The following MED23 variants were observed in gnomAD, a reference collection of about 807,000 sequenced individuals.
The protein encoded by MED23 is mediator of RNA polymerase II transcription subunit 23.
In MED23, 105 loss-of-function variants were observed where a neutral mutation model predicts 163.9. The observed-to-expected ratio is 0.64, with a 90% CI of 0.55 to 0.75. The LOEUF (loss-of-function observed/expected upper bound fraction) is 0.75. MED23 is among the 30% of genes least tolerant of loss of function. The pLI, the probability that MED23 is intolerant of heterozygous loss-of-function variation, is 0.00. For synonymous variants in MED23, 561 were observed against 565.6 expected (o/e 0.99, Z 0.12); for missense variants, 1,054 against 1,649.0 (o/e 0.64, Z 6.25).
downstream of MED23, chr6:131,584,134 T>C: frequency 1.8e-6 from 1 of 549,198 alleles, no homozygotes; most frequent in Non-Finnish European, 3.2e-6. Context: ...AAAAGACTTA[T>C]CCTTAGAAAG....
intron 9 of MED23, 67 bp from the exon 10 acceptor site, chr6:131,616,069 T>A: frequency 7.5e-7 from 1 of 1,338,650 alleles, no homozygotes; most frequent in South Asian, 1.2e-5. Context: ...TTATTAGAAA[T>A]GAGATTAAAA....
Position 131,619,896 on chromosome 6 carries a change from A to G in MED23, c.598T>C (p.Leu200=). Residue 200 remains leucine (L), a splice_region_variant and synonymous_variant, in exon 8 of 29, where the codon TTA becomes CTA. Transcript: ENST00000368068. ...AAGTCTGATACTAGGTTTCCAAGTA[A>G]CTAAAGAGAGAAAGAAAGAGGGAAG... The part of the protein sequence containing the change: ...LYPEGKLPHW[L]LGNLVSDFVD... 1 of 1,605,894 alleles carries G rather than the reference A, an allele frequency of 6.2e-7. No homozygotes were observed. Among genetic ancestry groups the G allele is most frequent in the East Asian group, 2.2e-5 (1 of 44,800 alleles).
In MED23 at chr6:131,589,596, T is replaced by A; in HGVS notation, c.3808A>T (p.Ile1270Phe). 1 of 1,613,758 alleles carries A rather than the reference T, an allele frequency of 6.2e-7. No individual in the cohort carries two copies. The highest frequency in any genetic ancestry group is 1.3e-5 in the African/African-American group (1 of 74,990). ...QQERTRCMIE[I>F]GVAFYDMLLN... ...AGCATGTCATAAAACGCCACACCAA[T>A]CTATTTAACAAATAATGTAAAATTA... The change falls in exon 28 of 29, where the codon ATT (isoleucine) becomes TTT (phenylalanine). Residue 1270 changes from isoleucine to phenylalanine, a missense_variant and splice_region_variant. Physicochemically the swap from Ile to Phe is conservative, Grantham distance 21 (BLOSUM62 0). Around this residue, in one of 11 missense-constraint regions of MED23, gnomAD observed 362 missense variants for 471.6 expected, o/e 0.77. Coordinates refer to ENST00000368068, the MANE Select transcript of MED23 (RefSeq NM_004830.4).
chr6:131,576,672 G>A, intron 30 of MED23: 6 of 1,613,908 alleles, frequency 3.7e-6, no homozygotes, highest in South Asian at 1.1e-5. Flanking sequence ...GCCACGAGGA[G>A]GGGTGGAAGA....
chr6:131,601,309 G>A (rs570066096), intron 17 of MED23, among the ~76,000 whole-genome samples: 1 of 152,258 alleles, frequency 6.6e-6, no homozygotes, highest in South Asian at 2.1e-4. Context: ...ATTAACAAAT[G>A]TAATTTTCTG....
chr6:131,583,942 A>G, downstream of MED23: 1 of 1,604,844 alleles, frequency 6.2e-7, no homozygotes, highest in Non-Finnish European at 8.5e-7. Flanking sequence ...CTCATAGTTA[A>G]TGGCATAATT....
intron 10 of MED23, among the ~76,000 whole-genome samples, chr6:131,613,705 C>A (rs1776440913): frequency 6.6e-6 from 1 of 152,156 alleles, no homozygotes; most frequent in South Asian, 2.1e-4. Flanking sequence ...AATGTTTACA[C>A]TACAGTGGTA....
Position 131,587,256 on chromosome 6 carries a change from A to G in MED23, c.*423T>C, listed in dbSNP as rs1774238996. The stretch of plus-strand genomic sequence containing the variant: ...TGAAAATCTACCAAGAGATTTATGT[A>G]TAAAATATTTGTAATAACTGTTTTA... On this transcript the variant is annotated 3_prime_UTR_variant, in exon 29 of 29. Coordinates refer to ENST00000368068, the MANE Select transcript of MED23 (RefSeq NM_004830.4). 4 of 1,033,388 alleles carry G rather than the reference A, an allele frequency of 3.9e-6. No individual in the cohort carries two copies. The Admixed American group carries it at 1.4e-4, about 36-fold the overall frequency. 64.0% of individuals were successfully genotyped at this position (1,033,388 alleles called of 1,614,324 possible).
chr6:131,622,216 T>G (rs1777162711), intron 5 of MED23, among the ~76,000 whole-genome samples: 1 of 152,228 alleles, frequency 6.6e-6, no homozygotes. Context: ...TTTGTCAAGC[T>G]TTTTTGGCCC....
rs377025364 is a variant in MED23, at chr6:131,619,791, A to C, written c.667+36T>G. ...TTCAATAATTAGATTACTAAAAATCAGGTACTATTTGGCATATTTAAAATT... is the reference window on the plus strand; with the variant it reads ...TTCAATAATTAGATTACTAAAAATCCGGTACTATTTGGCATATTTAAAATT... On this transcript the variant is annotated intron_variant, in intron 8 of 28. Coordinates refer to ENST00000368068, the MANE Select transcript of MED23 (RefSeq NM_004830.4). 1.4e-5 allele frequency: 20 copies of C among 1,425,746 alleles called. No individual in the cohort carries two copies. In the African/African-American group the frequency reaches 2.1e-4, roughly 15 times the overall value. The allele number at this position is 1,425,746 out of a possible 1,614,324, so 88.3% of individuals were successfully genotyped here.
chr6:131,610,005 C>T, intron 11 of MED23, 41 bp downstream of exon 11: 2 of 1,575,236 alleles, frequency 1.3e-6, no homozygotes, highest in Non-Finnish European at 8.7e-7. Context: ...ATACAGTAAT[C>T]AACAGGTGAA....
intron 10 of MED23, among the ~76,000 whole-genome samples, chr6:131,612,312 C>T (rs1180764904): frequency 2.0e-5 from 3 of 150,344 alleles, no homozygotes; most frequent in Admixed American, 2.0e-4. Flanking sequence ...GTCTGAGATA[C>T]AAAATGATCT....
chr6:131,627,985 C>A (rs770148108), intron 1 of MED23, 26 bp downstream of exon 1: 2 of 1,613,870 alleles, frequency 1.2e-6, no homozygotes, highest in Non-Finnish European at 1.7e-6. Flanking sequence ...AAGCCGTAGT[C>A]CTGGATGGCC....
Position 131,606,623 on chromosome 6 carries a change from T to G in MED23, c.1223A>C (p.Tyr408Ser). The G allele has an allele frequency of 1.2e-6, 2 of 1,606,416 alleles. No individual in the cohort carries two copies. The highest frequency in any genetic ancestry group is 2.2e-5 in the South Asian group (2 of 90,828). Residue 408 changes from tyrosine to serine, a missense_variant and splice_region_variant, in exon 13 of 29, where the codon TAT becomes TCT. Tyr to Ser is a moderately radical substitution (Grantham distance 144). Transcript: ENST00000368068. ...TTTGTTAATATCAGGAACTGGGATATACTGAAAAATAACAATTTGAAAAAT... is the reference window on the plus strand; with the variant it reads ...TTTGTTAATATCAGGAACTGGGATAGACTGAAAAATAACAATTTGAAAAAT... ...LFDLLYPEKEYIPVPDINKPQ... is the reference protein window; with the variant it reads ...LFDLLYPEKESIPVPDINKPQ...
At chr6:131,578,289 T>C (rs1773729342) in intron 30 of MED23, among the ~76,000 whole-genome samples, 1 of 152,088 alleles carries the variant, frequency 6.6e-6, no homozygotes, top group Non-Finnish European at 1.5e-5. Context: ...TCACGTGTTG[T>C]ATCAGGTGAA....
At chr6:131,607,880 A>T (rs1235104338) in intron 12 of MED23, 48 bp downstream of exon 12, 7 of 1,585,850 alleles carry the variant, frequency 4.4e-6, no homozygotes, top group Non-Finnish European at 6.1e-6. Context: ...TAAATTAGAC[A>T]TAATTTACTC....
intron 5 of MED23, among the ~76,000 whole-genome samples, 197 bp from the exon 6 acceptor site, chr6:131,622,176 A>T (rs1397944792): frequency 6.6e-6 from 1 of 152,242 alleles, no homozygotes; most frequent in Non-Finnish European, 1.5e-5. Flanking sequence ...CTGTCTTAAA[A>T]TACAATGAGC....
intron 10 of MED23, among the ~76,000 whole-genome samples, chr6:131,612,862 C>T (rs1408825270): frequency 6.6e-6 from 1 of 152,072 alleles, no homozygotes; most frequent in Admixed American, 6.6e-5. Flanking sequence ...GTCTTAGCAT[C>T]TCATATCCTA....
rs1363567438 is a variant in MED23, at chr6:131,619,850, G to A, written c.644C>T (p.Thr215Ile). 1 of 1,611,152 alleles carries A rather than the reference G, an allele frequency of 6.2e-7. No individual in the cohort carries two copies. Among genetic ancestry groups the A allele is most frequent in the Admixed American group, 1.7e-5 (1 of 59,982 alleles). ...VSDFVDTFRPTARINSICGRC... is the reference protein window; with the variant it reads ...VSDFVDTFRPIARINSICGRC... ...ACCACAAATGGAGTTTATCCTTGCT[G>A]TGGGCCTGAAGGTATCCACAAAGTC... is the stretch of plus-strand genomic sequence containing the variant. Residue 215 changes from threonine to isoleucine, a missense_variant, in exon 8 of 29, where the codon ACA (threonine) becomes ATA (isoleucine). Transcript: ENST00000368068.
Sources: allele counts gnomAD v4.1 joint callset (sites outside exome capture counted in the v4.1 genomes callset), GRCh38; gene constraint gnomAD v4.1.1; regional missense constraint gnomAD v4.1.1; transcripts MANE v1.5; gene names NCBI Gene and HGNC (gene_info 2026-07-23, HGNC 2026-07-21).